LHFPL3: variants seen among roughly 807,000 people sequenced by gnomAD.
LHFPL3 encodes LHFPL tetraspan subfamily member 3 protein.
Under a neutral mutation model 19.3 loss-of-function variants are expected in LHFPL3, and 5 were observed. The ratio of observed to expected loss-of-function variants is 0.26; its 90% CI spans 0.14 to 0.54. LHFPL3 has a LOEUF of 0.54. Ranked by LOEUF, LHFPL3 falls within the 20% of genes least tolerant of loss-of-function variation. LHFPL3 has a pLI of 0.94. For synonymous variants in LHFPL3, 133 were observed against 126.2 expected (o/e 1.05, Z -0.36); for missense variants, 249 against 307.4 (o/e 0.81, Z 1.42).
chr7:104,807,038 T>A (rs1790374426), intron 2 of LHFPL3, among the ~76,000 whole-genome samples: 1 of 151,668 alleles, frequency 6.6e-6, no homozygotes. Context: ...TGTGTGTGTG[T>A]GTGTGTGTGT....
chr7:104,366,985 A>G (rs1790506931), intron 1 of LHFPL3, among the ~76,000 whole-genome samples: 1 of 152,174 alleles, frequency 6.6e-6, no homozygotes, highest in South Asian at 2.1e-4. Flanking sequence ...TTAATTATAT[A>G]GTTATGATAA....
chr7:104,342,129 G>A (rs1789970188), intron 1 of LHFPL3, among the ~76,000 whole-genome samples: 1 of 152,094 alleles, frequency 6.6e-6, no homozygotes, highest in Non-Finnish European at 1.5e-5. Context: ...CATTTTGGTT[G>A]TTGTTTCTTA....
chr7:104,739,653 C>T (rs949284867), intron 2 of LHFPL3, among the ~76,000 whole-genome samples: 16 of 152,010 alleles, frequency 1.1e-4, no homozygotes, highest in Non-Finnish European at 2.1e-4. Context: ...GATAAAACTA[C>T]TGAGATGTAC....
intron 2 of LHFPL3, among the ~76,000 whole-genome samples, chr7:104,751,446 G>C (rs1205575418): frequency 6.7e-6 from 1 of 148,282 alleles, no homozygotes; most frequent in Non-Finnish European, 1.5e-5. Flanking sequence ...GCCTCATTTT[G>C]CATTAATGCT....
chr7:104,402,848 A>G (rs762351062), intron 1 of LHFPL3, among the ~76,000 whole-genome samples: 1 of 152,258 alleles, frequency 6.6e-6, no homozygotes, highest in African/African-American at 2.4e-5. Flanking sequence ...ACCTGTACAG[A>G]TGGTGGCTGT....
At chr7:104,408,279 G>A (rs943391504) in intron 1 of LHFPL3, among the ~76,000 whole-genome samples, 1 of 151,808 alleles carries the variant, frequency 6.6e-6, no homozygotes, top group African/African-American at 2.4e-5. Context: ...TCTCATTTCT[G>A]TTATTTCAGA....
At chr7:104,663,124 A>C (rs1461695578) in intron 1 of LHFPL3, among the ~76,000 whole-genome samples, 1 of 152,210 alleles carries the variant, frequency 6.6e-6, no homozygotes, top group African/African-American at 2.4e-5. Flanking sequence ...CTACAAACTT[A>C]AGAACTTGAA....
chr7:104,685,953 G>T (rs1214956615), intron 1 of LHFPL3, among the ~76,000 whole-genome samples: 1 of 152,248 alleles, frequency 6.6e-6, no homozygotes, highest in South Asian at 2.1e-4. Context: ...CTCCATTCTA[G>T]TGTATTAGGT....
chr7:104,659,998 C>A (rs913669365), intron 1 of LHFPL3, among the ~76,000 whole-genome samples: 2 of 118,096 alleles, frequency 1.7e-5, no homozygotes, highest in African/African-American at 2.8e-5. Flanking sequence ...TTTGCCACAG[C>A]AACTCGTTTT....
At chr7:104,709,928 A>G (rs982502727) in intron 1 of LHFPL3, among the ~76,000 whole-genome samples, 2 of 151,982 alleles carry the variant, frequency 1.3e-5, no homozygotes, top group Non-Finnish European at 2.9e-5. Context: ...GGTGGCGGCC[A>G]GGCAGAGGCT....
chr7:104,895,573 G>A (rs940948524), intron 2 of LHFPL3: 2 of 152,522 alleles, frequency 1.3e-5, no homozygotes, highest in Non-Finnish European at 2.9e-5. Context: ...GCAGGGGAGA[G>A]AGAAAAGCCT....
At chr7:104,827,540 C>T (rs1790848573) in intron 2 of LHFPL3, among the ~76,000 whole-genome samples, 1 of 151,644 alleles carries the variant, frequency 6.6e-6, no homozygotes, top group Non-Finnish European at 1.5e-5. Context: ...AATAGAGAAA[C>T]TGCCTTTTTA....
chr7:104,883,684 G>A (rs990297380), intron 2 of LHFPL3, among the ~76,000 whole-genome samples: 6 of 152,302 alleles, frequency 3.9e-5, no homozygotes, highest in East Asian at 1.9e-4. Context: ...AGCACTAACG[G>A]GAGTTTCCTG....
intron 1 of LHFPL3, among the ~76,000 whole-genome samples, chr7:104,557,851 C>T (rs1369400759): frequency 1.3e-5 from 2 of 149,986 alleles, no homozygotes; most frequent in African/African-American, 2.5e-5. Context: ...ACCACAGTCC[C>T]CAGAGTGTGA....
chr7:104,600,499 AG>A (rs1790942597), intron 1 of LHFPL3, among the ~76,000 whole-genome samples: 1 of 152,210 alleles, frequency 6.6e-6, no homozygotes, highest in East Asian at 1.9e-4. Flanking sequence ...ATTATTTTGA[AG>A]TTGATGATGG....
chr7:104,553,394 T>A (rs1794697745), intron 1 of LHFPL3, among the ~76,000 whole-genome samples: 1 of 152,030 alleles, frequency 6.6e-6, no homozygotes. Flanking sequence ...TTATAAAGAG[T>A]CTAACATCCT....
chr7:104,496,752 A>G (rs545595739), intron 1 of LHFPL3, among the ~76,000 whole-genome samples: 2 of 152,322 alleles, frequency 1.3e-5, no homozygotes, highest in East Asian at 3.9e-4. Flanking sequence ...GCTTAAATAT[A>G]ATGAAATGAA....
chr7:104,620,736 A>G (rs1284838451), intron 1 of LHFPL3, among the ~76,000 whole-genome samples: 1 of 152,184 alleles, frequency 6.6e-6, no homozygotes, highest in African/African-American at 2.4e-5. Flanking sequence ...GGATCTTGAA[A>G]TGGCAATCAT....
chr7:104,438,929 T>A (rs1004252258), intron 1 of LHFPL3, among the ~76,000 whole-genome samples: 2 of 152,040 alleles, frequency 1.3e-5, no homozygotes, highest in African/African-American at 2.4e-5. Flanking sequence ...TTCTAGAGAT[T>A]AAAAAGAATA....
Sources: allele counts gnomAD v4.1 joint callset (sites outside exome capture counted in the v4.1 genomes callset), GRCh38; gene constraint gnomAD v4.1.1; transcripts MANE v1.5; gene names NCBI Gene and HGNC (gene_info 2026-07-23, HGNC 2026-07-21).